Variants in CRIM1 observed in about 807,000 individuals in gnomAD.
CRIM1 encodes cysteine-rich motor neuron 1 protein.
CRIM1 carries 32 observed loss-of-function variants against 116.4 expected under a neutral mutation model. The ratio of observed to expected loss-of-function variants is 0.27; its 90% CI spans 0.21 to 0.37. CRIM1 has a LOEUF of 0.37. Ranked by LOEUF, CRIM1 falls within the 10% of genes least tolerant of loss-of-function variation. The pLI is 1.00. For missense variants in CRIM1, 1,331 were observed against 1,354.8 expected, an observed-to-expected ratio of 0.98 and a Z score of 0.28; for synonymous variants, 590 against 509.2, an observed-to-expected ratio of 1.16 and a Z score of -2.13.
chr2:36,511,006 G>C (rs1664636244), intron 9 of CRIM1, among the ~76,000 whole-genome samples: 1 of 148,224 alleles, frequency 6.7e-6, no homozygotes, highest in South Asian at 2.1e-4. Context: ...GCTCACTGCA[G>C]CCTCAACCTC....
At chr2:36,373,138 T>C (rs1223703229) in intron 1 of CRIM1, among the ~76,000 whole-genome samples, 4 of 152,162 alleles carry the variant, frequency 2.6e-5, no homozygotes, top group Non-Finnish European at 5.9e-5. Context: ...ATGAGAAGTG[T>C]GTGTGTTTCT....
intron 1 of CRIM1, among the ~76,000 whole-genome samples, chr2:36,370,673 A>G (rs1326277162): frequency 6.6e-6 from 1 of 152,206 alleles, no homozygotes; most frequent in African/African-American, 2.4e-5. Flanking sequence ...TGAGTCAGAA[A>G]TGCTTGAGTG....
intron 2 of CRIM1, among the ~76,000 whole-genome samples, chr2:36,428,285 T>C (rs879741500): frequency 6.6e-6 from 1 of 152,268 alleles, no homozygotes; most frequent in Admixed American, 6.5e-5. Context: ...TCTAAGTCAC[T>C]GTTTTCTTTA....
intron 1 of CRIM1, among the ~76,000 whole-genome samples, chr2:36,374,106 G>A (rs1315441194): frequency 6.6e-6 from 1 of 152,168 alleles, no homozygotes; most frequent in East Asian, 1.9e-4. Context: ...GTCAAGAAAG[G>A]TAGACTCAAA....
At chr2:36,376,310 T>C (rs1376082462) in intron 1 of CRIM1, among the ~76,000 whole-genome samples, 2 of 152,198 alleles carry the variant, frequency 1.3e-5, no homozygotes, top group African/African-American at 4.8e-5. Flanking sequence ...TACAGTGAAA[T>C]GGATTTGTAT....
At chr2:36,535,747 T>C (rs969367696) in intron 13 of CRIM1, among the ~76,000 whole-genome samples, 1 of 152,216 alleles carries the variant, frequency 6.6e-6, no homozygotes, top group African/African-American at 2.4e-5. Flanking sequence ...TTTATAAAGG[T>C]GCATATGCTT....
At chr2:36,433,529 TTC>T (rs1293432575) in intron 2 of CRIM1, among the ~76,000 whole-genome samples, 1 of 152,166 alleles carries the variant, frequency 6.6e-6, no homozygotes, top group Non-Finnish European at 1.5e-5. Context: ...ATTGTAAAGA[TTC>T]TCTGTTTGCT....
In CRIM1 at chr2:36,513,588, T is replaced by C. The variant is rs1203011566; in HGVS notation, c.1813T>C (p.Ser605Pro). ...TGCTTCAGCTGGGCCACCCATCCTG[T>C]CGGGCACTTGTCTCACCGTGGATGG... ...ASASAGPPILSGTCLTVDGHH... is the reference protein window; with the variant it reads ...ASASAGPPILPGTCLTVDGHH... The change falls in exon 11 of 17, where the codon TCG becomes CCG. Residue 605 changes from serine to proline, a missense_variant. Transcript: ENST00000280527. The C allele has an allele frequency of 5.0e-6, 8 of 1,614,180 alleles. No individual in the cohort carries two copies. Among genetic ancestry groups the C allele is most frequent in the Non-Finnish European group, 6.8e-6 (8 of 1,180,008 alleles).
chr2:36,470,526 C>G (rs138309742), intron 5 of CRIM1, among the ~76,000 whole-genome samples: 1,666 of 152,268 alleles, frequency 0.011, 34 homozygotes, highest in African/African-American at 0.039. Flanking sequence ...TATGCTAAAT[C>G]TACTCTGCCT....
chr2:36,395,668 G>A (rs1256704740), intron 1 of CRIM1, among the ~76,000 whole-genome samples: 5 of 152,088 alleles, frequency 3.3e-5, no homozygotes, highest in Non-Finnish European at 7.4e-5. Flanking sequence ...TCCATTCCAT[G>A]ATCAGAACCT....
chr2:36,374,861 GT>G (rs35600177), intron 1 of CRIM1, among the ~76,000 whole-genome samples: 108,845 of 149,210 alleles, frequency 0.73, 39,916 homozygotes, highest in East Asian at 0.9. Context: ...GGCTCTTGAT[GT>G]TTTTTTTTTT....
chr2:36,541,471 G>T (rs908475392), intron 14 of CRIM1, among the ~76,000 whole-genome samples: 1 of 152,094 alleles, frequency 6.6e-6, no homozygotes, highest in East Asian at 1.9e-4. Context: ...AGGGTTATCC[G>T]AAGTCATGGA....
At chr2:36,531,928 G>C (rs1360064039) in intron 13 of CRIM1, 4 of 471,032 alleles carry the variant, frequency 8.5e-6, no homozygotes, top group East Asian at 1.4e-4. Flanking sequence ...CCCCATGGAA[G>C]GACCAGCTGC....
At chr2:36,536,978 C>A (rs1666596379) in intron 13 of CRIM1, among the ~76,000 whole-genome samples, 1 of 152,110 alleles carries the variant, frequency 6.6e-6, no homozygotes, top group Non-Finnish European at 1.5e-5. Flanking sequence ...GCCATTATCA[C>A]TCCTTACCAT....
At chr2:36,443,325 T>C (rs1435606587) in intron 4 of CRIM1, among the ~76,000 whole-genome samples, 2 of 152,188 alleles carry the variant, frequency 1.3e-5, no homozygotes, top group Non-Finnish European at 2.9e-5. Context: ...AGTTTTTCTC[T>C]AGAACATGAG....
rs141593686 is a variant in CRIM1 at position 36,537,740 on chromosome 2, T to C, written c.2623+194T>C. 3.6e-3 allele frequency among the ~76,000 whole-genome samples: 552 copies of C among 152,350 alleles called. 2 individuals are homozygous for C. The highest frequency in any genetic ancestry group is 0.013 in the African/African-American group (520 of 41,584). On this transcript the variant is annotated intron_variant, in intron 14 of 16. Coordinates refer to ENST00000280527, the MANE Select transcript of CRIM1 (RefSeq NM_016441.3). ...TGACCATCCCGATGAGGGGCAGATTTTGGTTCCATGCCAGAATTCCTCGGG... is the reference window on the plus strand; with the variant it reads ...TGACCATCCCGATGAGGGGCAGATTCTGGTTCCATGCCAGAATTCCTCGGG...
At chr2:36,414,035 G>C (rs1673420654) in intron 2 of CRIM1, among the ~76,000 whole-genome samples, 1 of 152,204 alleles carries the variant, frequency 6.6e-6, no homozygotes, top group African/African-American at 2.4e-5. Context: ...ATAGGTTTCT[G>C]TGTATGAGCT....
In CRIM1 at chr2:36,499,310, C is replaced by T. The variant is rs375356337; in HGVS notation, c.1464C>T (p.Arg488=). Residue 488 remains arginine, a synonymous_variant, in exon 8 of 17, where the codon CGC becomes CGT. Transcript: ENST00000280527. The part of the protein sequence containing the change: ...TGKDCINGFK[R]DHNGCRTCQC... ...AGGACTGCATTAATGGTTTCAAACG[C>T]GATCACAATGGTTGTCGGACCTGTC... 1.8e-5 allele frequency: 29 copies of T among 1,613,924 alleles called. No individual in the cohort carries two copies. Among genetic ancestry groups the T allele is most frequent in the Admixed American group, 1.7e-4 (10 of 59,992 alleles).
chr2:36,419,446 C>T (rs568825323), intron 2 of CRIM1, among the ~76,000 whole-genome samples: 1 of 152,094 alleles, frequency 6.6e-6, no homozygotes, highest in African/African-American at 2.4e-5. Flanking sequence ...ATTTTATTGC[C>T]GCTTGAAATA....
Sources: gnomAD v4.1 joint callset for allele counts (sites outside exome capture counted in the v4.1 genomes callset) on GRCh38, gnomAD v4.1.1 for gene constraint, MANE v1.5 for transcripts, NCBI Gene and HGNC (gene_info 2026-07-23, HGNC 2026-07-21) for gene names.